Variants in SEZ6L observed in about 807,000 individuals in gnomAD.
SEZ6L encodes seizure related 6 homolog like.
A neutral mutation model predicts 106.2 loss-of-function variants in SEZ6L; 37 were observed. That is an observed-to-expected ratio of 0.35 (90% confidence interval 0.27 to 0.46). SEZ6L has a LOEUF of 0.46. SEZ6L is among the 20% of genes least tolerant of loss of function. The pLI is 1.00. For missense variants in SEZ6L, 1,172 were observed against 1,332.8 expected, an observed-to-expected ratio of 0.88 and a Z score of 1.88; for synonymous variants, 541 against 570.4, an observed-to-expected ratio of 0.95 and a Z score of 0.73.
intron 1 of SEZ6L, among the ~76,000 whole-genome samples, chr22:26,211,457 T>A (rs769371551): frequency 6.6e-6 from 1 of 152,128 alleles, no homozygotes; most frequent in Non-Finnish European, 1.5e-5. Flanking sequence ...GGAAGGTAGA[T>A]CCAGCTCTGC....
chr22:26,326,821 G>A (rs1342799742), intron 9 of SEZ6L, among the ~76,000 whole-genome samples: 1 of 152,232 alleles, frequency 6.6e-6, no homozygotes, highest in Non-Finnish European at 1.5e-5. Context: ...CAGAGGGGCA[G>A]CAGCATTGGC....
At chr22:26,274,051 C>T (rs1397038517) in intron 1 of SEZ6L, among the ~76,000 whole-genome samples, 1 of 152,158 alleles carries the variant, frequency 6.6e-6, no homozygotes, top group Non-Finnish European at 1.5e-5. Flanking sequence ...ATCCATAGAA[C>T]ACGAGATCTG....
At position 26,351,240 on chromosome 22, in the gene SEZ6L, G is replaced by A. The variant is rs747914181; in HGVS notation, c.2596G>A (p.Val866Ile). Reference protein sequence around the residue: ...PIWTSRLPHCVSEESLACDNP... With the variant: ...PIWTSRLPHCISEESLACDNP... Reference sequence around the variant, plus strand: ...CTGGACGTCTCGCCTGCCCCACTGCGTTTGTGAGTCCTGTTTAATGAATTG... The same window carrying A: ...CTGGACGTCTCGCCTGCCCCACTGCATTTGTGAGTCCTGTTTAATGAATTG... Residue 866 changes from valine to isoleucine, a missense_variant, in exon 12 of 17, where the codon GTT becomes ATT. Physicochemically the swap from Val to Ile is conservative, Grantham distance 29. Transcript: ENST00000248933. 13 of 1,613,522 alleles carry A rather than the reference G, an allele frequency of 8.1e-6. No homozygotes were observed. Among genetic ancestry groups the A allele is most frequent in the Middle Eastern group, 1.7e-4 (1 of 6,052 alleles).
intron 1 of SEZ6L, among the ~76,000 whole-genome samples, chr22:26,256,617 G>T (rs1318254127): frequency 3.9e-5 from 6 of 152,220 alleles, no homozygotes; most frequent in Admixed American, 3.9e-4. Flanking sequence ...AAGCTCTCTA[G>T]GTGACTCTCG....
At chr22:26,269,037 T>G (rs1232989532) in intron 1 of SEZ6L, among the ~76,000 whole-genome samples, 2 of 152,214 alleles carry the variant, frequency 1.3e-5, no homozygotes, top group Admixed American at 1.3e-4. Flanking sequence ...GGACAATGGA[T>G]GTGACTGTGC....
Position 26,292,704 on chromosome 22 carries a change from G to T in SEZ6L, c.393G>T (p.Gln131His), listed in dbSNP as rs1385407958. Reference sequence around the variant, plus strand: ...AGCAGGTGAACTCTGCCAGGAAGCAGCTGAGGCCCAAGGCCACCTCCGCAG... The same window carrying T: ...AGCAGGTGAACTCTGCCAGGAAGCATCTGAGGCCCAAGGCCACCTCCGCAG... ...SLKQVNSARK[Q>H]LRPKATSAAT... Residue 131 changes from glutamine (Q) to histidine (H), a missense_variant, in exon 2 of 17, where the codon CAG becomes CAT. Around this residue, in one of 4 missense-constraint regions of SEZ6L, gnomAD observed 494 missense variants for 445.8 expected, o/e 1.11. Coordinates refer to ENST00000248933, the MANE Select transcript of SEZ6L (RefSeq NM_021115.5). 3.1e-6 allele frequency: 5 copies of T among 1,613,704 alleles called. No individual in the cohort carries two copies. In the South Asian group the frequency reaches 5.5e-5, roughly 18 times the overall value.
In SEZ6L at chr22:26,340,428, C is replaced by A. The variant is rs1472190487; in HGVS notation, c.2016-8C>A. 1 of 1,602,990 alleles carries A rather than the reference C, an allele frequency of 6.2e-7. No individual in the cohort carries two copies. The highest frequency in any genetic ancestry group is 8.5e-7 in the Non-Finnish European group (1 of 1,174,844). ...TCACATGACTCTCCCTCTTCTCTGCCCTCCAAGCCTGAATCTGAGCAACAG... is the reference window on the plus strand; with the variant it reads ...TCACATGACTCTCCCTCTTCTCTGCACTCCAAGCCTGAATCTGAGCAACAG... On this transcript the variant is annotated splice_polypyrimidine_tract_variant and splice_region_variant and intron_variant, in intron 9 of 16. Coordinates refer to ENST00000248933, the MANE Select transcript of SEZ6L (RefSeq NM_021115.5).
At chr22:26,291,919 T>C (rs2081121331) in intron 1 of SEZ6L, among the ~76,000 whole-genome samples, 1 of 152,026 alleles carries the variant, frequency 6.6e-6, no homozygotes, top group South Asian at 2.1e-4. Flanking sequence ...TGCTTTTTGT[T>C]TCTATACTCC....
chr22:26,220,798 C>A (rs532724328), intron 1 of SEZ6L, among the ~76,000 whole-genome samples: 1 of 152,178 alleles, frequency 6.6e-6, no homozygotes, highest in East Asian at 1.9e-4. Flanking sequence ...CCAGTAAGCA[C>A]TCAGGTAGCA....
chr22:26,366,276 G>C (rs553003638), intron 13 of SEZ6L, among the ~76,000 whole-genome samples: 1 of 152,238 alleles, frequency 6.6e-6, no homozygotes, highest in East Asian at 1.9e-4. Flanking sequence ...AGAGGTTGCA[G>C]TGAGCCGAGG....
chr22:26,333,986 A>AAGAG (rs61539395), intron 9 of SEZ6L, among the ~76,000 whole-genome samples: 2 of 151,442 alleles, frequency 1.3e-5, no homozygotes, highest in African/African-American at 4.9e-5. Flanking sequence ...AATGGCTTGG[A>AAGAG]AGAGAGAGAG....
chr22:26,242,300 C>T (rs893467953), intron 1 of SEZ6L, among the ~76,000 whole-genome samples: 1 of 152,256 alleles, frequency 6.6e-6, no homozygotes, highest in African/African-American at 2.4e-5. Context: ...TGATATCCTC[C>T]AGTCCATGGG....
chr22:26,262,867 G>A (rs573799967), intron 1 of SEZ6L, among the ~76,000 whole-genome samples: 9 of 152,270 alleles, frequency 5.9e-5, no homozygotes, highest in African/African-American at 9.6e-5. Flanking sequence ...CAAGGGTGAC[G>A]AAATGGTTTG....
intron 9 of SEZ6L, among the ~76,000 whole-genome samples, chr22:26,335,721 T>G (rs2082624557): frequency 6.6e-6 from 1 of 152,198 alleles, no homozygotes; most frequent in Admixed American, 6.5e-5. Flanking sequence ...AGTGATGGGA[T>G]GCTCACTGTC....
At chr22:26,202,202 C>G (rs551095381) in intron 1 of SEZ6L, among the ~76,000 whole-genome samples, 1 of 152,346 alleles carries the variant, frequency 6.6e-6, no homozygotes, top group East Asian at 1.9e-4. Flanking sequence ...GTGTGAGCCA[C>G]TGCGCCCGGC....
At chr22:26,376,540 G>A (rs974869966) in intron 15 of SEZ6L, among the ~76,000 whole-genome samples, 24 of 152,072 alleles carry the variant, frequency 1.6e-4, no homozygotes, top group Admixed American at 5.2e-4. Flanking sequence ...TCAGGAGTTC[G>A]AGACTAGCCT....
rs575646960 is a variant in SEZ6L at position 26,379,363 on chromosome 22, C to T, written c.3046-903C>T. Reference sequence around the variant, plus strand: ...CTCCTAGTTAGAATCAAGTCACAGGCTTTACCCACCCTTAAAAGGAGGGGA... The same window carrying T: ...CTCCTAGTTAGAATCAAGTCACAGGTTTTACCCACCCTTAAAAGGAGGGGA... On this transcript the variant is annotated intron_variant, in intron 16 of 16. Transcript: ENST00000248933. 2.1e-4 allele frequency among the ~76,000 whole-genome samples: 32 copies of T among 152,340 alleles called. No individual in the cohort carries two copies. In the East Asian group the frequency reaches 6.0e-3, roughly 28 times the overall value.
At chr22:26,269,560 C>T (rs190801262) in intron 1 of SEZ6L, among the ~76,000 whole-genome samples, 65 of 152,294 alleles carry the variant, frequency 4.3e-4, no homozygotes, top group African/African-American at 1.4e-3. Flanking sequence ...TCCCAATCTT[C>T]GACGCACCAG....
At chr22:26,369,895 G>A (rs2083967771) in intron 13 of SEZ6L, among the ~76,000 whole-genome samples, 1 of 152,124 alleles carries the variant, frequency 6.6e-6, no homozygotes, top group African/African-American at 2.4e-5. Context: ...GGGATTACAG[G>A]CGTGAGCCAT....
Sources: gnomAD v4.1 joint callset for allele counts (sites outside exome capture counted in the v4.1 genomes callset) on GRCh38, gnomAD v4.1.1 for gene constraint, gnomAD v4.1.1 regional missense constraint, MANE v1.5 for transcripts, NCBI Gene and HGNC (gene_info 2026-07-23, HGNC 2026-07-21) for gene names.